Variants in RECQL5 observed in about 807,000 individuals in gnomAD.
RECQL5 encodes the protein RecQ like helicase 5.
RECQL5 carries 88 observed loss-of-function variants against 103.4 expected under a neutral mutation model. The observed-to-expected ratio is 0.85, with a 90% CI of 0.72 to 1.02. The LOEUF is 1.02. Among genes scored for constraint, RECQL5 ranks in the 50% least tolerant of loss-of-function variants. The probability of loss-of-function intolerance (pLI) is 0.00; values close to 1 mark genes in which losing one functional copy is unlikely to be tolerated. For missense variants in RECQL5, 1,232 were observed against 1,284.3 expected (o/e 0.96, Z 0.62); for synonymous variants, 552 against 507.9 (o/e 1.09, Z -1.17).
chr17:75,649,767 A>C (rs1291444335), intron 8 of RECQL5: 3 of 985,372 alleles, frequency 3.0e-6, no homozygotes, highest in East Asian at 2.3e-4. Context: ...GAATCATCAC[A>C]TGTAGCAAAG....
chr17:75,647,475 C>A (rs1046271635), intron 8 of RECQL5: 1 of 1,550,276 alleles, frequency 6.5e-7, no homozygotes, highest in Non-Finnish European at 8.7e-7. Flanking sequence ...TATTCATCAC[C>A]GCTGTCCTGC....
chr17:75,665,359 C>T (rs2059754829), intron 2 of RECQL5, among the ~76,000 whole-genome samples, 187 bp from the exon 3 acceptor site: 1 of 152,174 alleles, frequency 6.6e-6, no homozygotes, highest in African/African-American at 2.4e-5. Flanking sequence ...AACTTGGATA[C>T]ATGCCCAAAC....
At chr17:75,637,999 C>T (rs77025840) in intron 8 of RECQL5, 3,464 of 152,330 alleles carry the variant, frequency 0.023, 60 homozygotes, top group Non-Finnish European at 0.036. Context: ...TGATCTATAG[C>T]ATTCTAGGAC....
Position 75,629,232 on chromosome 17 carries a change from T to C in RECQL5, c.2191A>G (p.Lys731Glu), listed in dbSNP as rs1489484340. The C allele has an allele frequency of 4.3e-6, 7 of 1,612,926 alleles. No homozygotes were observed. The South Asian group carries it at 4.4e-5, about 10-fold the overall frequency. Residue 731 changes from lysine (K) to glutamate (E), a missense_variant, in exon 16 of 20, where the codon AAG (lysine) becomes GAG (glutamate). Physicochemically the swap from Lys to Glu is moderately conservative, Grantham distance 56. Transcript: ENST00000317905. ...CTGCCCCCAGAGGAACTTTTTGCCT[T>C]CTTCTCAGGGGAGGGCCCCCCATAG... ...AHYGGPSPEK[K>E]AKSSSGGSSL...
Position 75,633,727 on chromosome 17 carries a change from C to T in RECQL5, c.1230-2059G>A, listed in dbSNP as rs986922251. The T allele has an allele frequency of 6.7e-5, 74 of 1,109,650 alleles. No individual in the cohort carries two copies. In the Middle Eastern group the frequency reaches 1.3e-3, roughly 19 times the overall value. 68.7% of individuals were successfully genotyped at this position (1,109,650 alleles called of 1,614,324 possible). A position where few individuals can be genotyped will look rare whatever the true frequency, so the allele number is the denominator to read the frequency against. On this transcript the variant is annotated intron_variant, in intron 8 of 19. Coordinates refer to ENST00000317905, the MANE Select transcript of RECQL5 (RefSeq NM_004259.7). ...CTTCCTGAGGGCAGGGTGGGTGCCC[C>T]AGACCTGAGAGCGCTGCAGGACTCC...
Position 75,662,834 on chromosome 17 carries a change from T to G in RECQL5, c.416A>C (p.Gln139Pro), listed in dbSNP as rs759663263. The G allele has an allele frequency of 3.1e-6, 5 of 1,614,132 alleles. No individual in the cohort carries two copies. The highest frequency in any genetic ancestry group is 4.2e-6 in the Non-Finnish European group (5 of 1,180,034). ...TPEMAASSSF[Q>P]PTLNSLVSRH... ...GGACACCAGGGAGTTCAGGGTGGGC[T>G]GGAAGGAGGATGAAGCTGCCATCTC... The change falls in exon 4 of 20, where the codon CAG (glutamine) becomes CCG (proline). Residue 139 changes from glutamine (Q) to proline (P), a missense_variant. Gln to Pro is a moderately conservative substitution (Grantham distance 76, BLOSUM62 -1). Transcript: ENST00000317905.
intron 7 of RECQL5, among the ~76,000 whole-genome samples, chr17:75,653,169 A>G (rs2059576294): frequency 6.6e-6 from 1 of 152,238 alleles, no homozygotes; most frequent in Non-Finnish European, 1.5e-5. Flanking sequence ...GTAGGGCAAT[A>G]GCAGGTGGTC....
rs764383891 is a variant in RECQL5, at chr17:75,629,495, G to A, written c.1948-20C>T. 7 of 1,501,660 alleles carry A rather than the reference G, an allele frequency of 4.7e-6. No homozygotes were observed. Among genetic ancestry groups the A allele is most frequent in the Non-Finnish European group, 6.2e-6 (7 of 1,125,638 alleles). The allele number at this position is 1,501,660 out of a possible 1,614,324, so 93.0% of individuals were successfully genotyped here. A position where few individuals can be genotyped will look rare whatever the true frequency, so the allele number is the denominator to read the frequency against. On this transcript the variant is annotated intron_variant, in intron 15 of 19. Transcript: ENST00000317905. The stretch of plus-strand genomic sequence containing the variant: ...TTTGAGCTGTAAATGTGAGCAGGAG[G>A]AGAGGAGGTTCAGCCCACTAGGCCC...
At chr17:75,642,952 TA>T (rs1215613513) in intron 8 of RECQL5, among the ~76,000 whole-genome samples, 6 of 152,324 alleles carry the variant, frequency 3.9e-5, no homozygotes, top group African/African-American at 1.4e-4. Context: ...GCAGTACAGA[TA>T]AGGCTCTAAT....
intron 7 of RECQL5, among the ~76,000 whole-genome samples, chr17:75,656,076 T>C (rs1599045999): frequency 6.6e-6 from 1 of 152,078 alleles, no homozygotes. Flanking sequence ...CTGGGGAGCT[T>C]TTTTTGGTTT....
chr17:75,627,616 C>T lies in RECQL5; in HGVS notation c.2875+7G>A, dbSNP rs77456011. 1.1e-3 allele frequency: 1,740 copies of T among 1,613,222 alleles called. 9 individuals carry two copies. In the Admixed American group the frequency reaches 0.016, roughly 15 times the overall value. On this transcript the variant is annotated splice_region_variant and intron_variant, in intron 19 of 19. Coordinates refer to ENST00000317905, the MANE Select transcript of RECQL5 (RefSeq NM_004259.7). The stretch of plus-strand genomic sequence containing the variant: ...TGCCTCCTGGCCCTGGCAATGCCAG[C>T]GCTCACCGCTCCTTCCAGGAGAGGT...
chr17:75,655,217 GCC>G, intron 7 of RECQL5, among the ~76,000 whole-genome samples: 1 of 152,248 alleles, frequency 6.6e-6, no homozygotes, highest in African/African-American at 2.4e-5. Context: ...GATTACAGGA[GCC>G]CGCCACCACG....
chr17:75,656,405 G>C (rs750587193), intron 7 of RECQL5, among the ~76,000 whole-genome samples: 1 of 152,102 alleles, frequency 6.6e-6, no homozygotes, highest in Admixed American at 6.5e-5. Flanking sequence ...AAAAAAACTC[G>C]TGTTAACAGC....
intron 8 of RECQL5, chr17:75,650,293 T>A (rs2059538477): frequency 9.9e-7 from 1 of 1,012,804 alleles, no homozygotes; most frequent in Non-Finnish European, 1.2e-6. Context: ...GAAAATAGCT[T>A]CAGTCCAGAA....
intron 8 of RECQL5, chr17:75,633,951 G>C: frequency 1.0e-6 from 1 of 985,682 alleles, no homozygotes; most frequent in Non-Finnish European, 1.2e-6. Context: ...GAGGCACCGG[G>C]ACATGAAGTT....
intron 2 of RECQL5, among the ~76,000 whole-genome samples, 181 bp from the exon 3 acceptor site, chr17:75,665,353 T>TG: frequency 6.6e-6 from 1 of 152,206 alleles, no homozygotes; most frequent in Admixed American, 6.5e-5. Context: ...CTGGGAAACT[T>TG]GGATACATGC....
chr17:75,654,457 C>T (rs2059592516), intron 7 of RECQL5, among the ~76,000 whole-genome samples: 1 of 152,176 alleles, frequency 6.6e-6, no homozygotes, highest in African/African-American at 2.4e-5. Context: ...GGGTAAGTTT[C>T]CATCTTTGCT....
chr17:75,661,117 A>G (rs1373625974), intron 5 of RECQL5, 51 bp from the exon 6 acceptor site: 2 of 1,445,730 alleles, frequency 1.4e-6, no homozygotes, highest in Non-Finnish European at 1.9e-6. Context: ...CCTTGGGTTT[A>G]CCGGGGGCCT....
intron 8 of RECQL5, among the ~76,000 whole-genome samples, chr17:75,643,979 G>C (rs2059461349): frequency 6.6e-6 from 1 of 152,236 alleles, no homozygotes; most frequent in Non-Finnish European, 1.5e-5. Context: ...AGACCTGCGT[G>C]CCACACTGTC....
Sources: gnomAD v4.1 joint callset for allele counts (sites outside exome capture counted in the v4.1 genomes callset) on GRCh38, gnomAD v4.1.1 for gene constraint, MANE v1.5 for transcripts, NCBI Gene and HGNC (gene_info 2026-07-23, HGNC 2026-07-21) for gene names.